The following SLC11A2 variants were observed in gnomAD, a reference collection of about 807,000 sequenced individuals.
SLC11A2 encodes natural resistance-associated macrophage protein 2.
A neutral mutation model predicts 68.0 loss-of-function variants in SLC11A2; 38 were observed. The ratio of observed to expected loss-of-function variants is 0.56; its 90% CI spans 0.43 to 0.73. The LOEUF is 0.73. Ranked by LOEUF, SLC11A2 falls within the 30% of genes least tolerant of loss-of-function variation. The pLI, the probability that SLC11A2 is intolerant of heterozygous loss-of-function variation, is 0.00. For synonymous variants in SLC11A2, 242 were observed against 250.6 expected (o/e 0.97, Z 0.32); for missense variants, 517 against 690.5 (o/e 0.75, Z 2.82).
the SLC11A2 span, among the ~76,000 whole-genome samples, chr12:50,953,226 G>C: frequency 1.3e-5 from 2 of 152,224 alleles, no homozygotes; most frequent in Non-Finnish European, 2.9e-5. Context: ...AGGAACAACA[G>C]GAGACAGACA....
At chr12:51,016,277 T>G (rs928324718) in intron 1 of SLC11A2, among the ~76,000 whole-genome samples, 11 of 152,082 alleles carry the variant, frequency 7.2e-5, no homozygotes, top group Admixed American at 1.3e-4. Context: ...CCGGACACGG[T>G]GGCTCACACC....
At chr12:51,025,794 C>T (rs942320522) in intron 1 of SLC11A2, 10 of 986,146 alleles carry the variant, frequency 1.0e-5, no homozygotes, top group Non-Finnish European at 1.2e-5. Context: ...GCCGCGTATG[C>T]AGGCTATTCA....
At chr12:51,023,224 A>G (rs1944160382) in intron 1 of SLC11A2, among the ~76,000 whole-genome samples, 1 of 152,252 alleles carries the variant, frequency 6.6e-6, no homozygotes, top group Non-Finnish European at 1.5e-5. Flanking sequence ...AGGCAGGAAG[A>G]TTGCTTGAAC....
At chr12:50,975,321 T>C (rs895937815), downstream of SLC11A2, among the ~76,000 whole-genome samples, 2 of 151,980 alleles carry the variant, frequency 1.3e-5, no homozygotes, top group African/African-American at 4.8e-5. Context: ...AAACTAGAAC[T>C]CAGGATTAAG....
the SLC11A2 span, among the ~76,000 whole-genome samples, chr12:50,965,226 ACCTCAG>A: frequency 3.8e-4 from 58 of 151,300 alleles, no homozygotes; most frequent in Non-Finnish European, 7.1e-4. Flanking sequence ...CAATCCACCC[ACCTCAG>A]CCTCTTGAGT....
At chr12:50,963,013 G>A in the SLC11A2 span, among the ~76,000 whole-genome samples, 1 of 125,548 alleles carries the variant, frequency 8.0e-6, no homozygotes, top group East Asian at 2.7e-4. Context: ...ATATAATTAT[G>A]AGGCTCTTGC....
At chr12:50,965,035 T>C in the SLC11A2 span, among the ~76,000 whole-genome samples, 1 of 152,168 alleles carries the variant, frequency 6.6e-6, no homozygotes, top group Admixed American at 6.5e-5. Context: ...TCTGGCATCT[T>C]TGAAGTCCTT....
chr12:50,986,644 T>A lies in SLC11A2; in HGVS notation c.*1681A>T, dbSNP rs755074642. On this transcript the variant is annotated 3_prime_UTR_variant, in exon 16 of 16. Transcript: ENST00000262052. ...GAGCTTAAGATGTCAGTCCCCAATA[T>A]CTTCACAGAGTGCCTTTATGACCAG... 41 of 1,286,836 alleles carry A rather than the reference T, an allele frequency of 3.2e-5. No homozygotes were observed. Among genetic ancestry groups the A allele is most frequent in the Non-Finnish European group, 4.1e-5 (41 of 988,500 alleles). 79.7% of individuals were successfully genotyped at this position (1,286,836 alleles called of 1,614,324 possible). A position where few individuals can be genotyped will look rare whatever the true frequency, so the allele number is the denominator to read the frequency against.
intron 14 of SLC11A2, 118 bp downstream of exon 14, chr12:50,991,481 A>T (rs1397154019): frequency 1.3e-6 from 1 of 783,586 alleles, no homozygotes; most frequent in Non-Finnish European, 2.2e-6. Flanking sequence ...AGCAGCTAGC[A>T]ATCACCTCTC....
chr12:51,000,743 A>ATC, intron 5 of SLC11A2: 1 of 586,856 alleles, frequency 1.7e-6, no homozygotes, highest in Non-Finnish European at 3.0e-6. Context: ...CCTAAAAACA[A>ATC]TCCTAAAAAG....
intron 8 of SLC11A2, among the ~76,000 whole-genome samples, chr12:50,998,501 G>A (rs1357217077): frequency 2.0e-5 from 3 of 152,138 alleles, no homozygotes; most frequent in African/African-American, 7.2e-5. Flanking sequence ...TGTGTAATGA[G>A]AGACTCATCC....
chr12:50,962,339 A>C, the SLC11A2 span, among the ~76,000 whole-genome samples: 17 of 151,990 alleles, frequency 1.1e-4, no homozygotes, highest in African/African-American at 3.9e-4. Context: ...TGAATCTGGG[A>C]GGTGGAGGTT....
At chr12:51,006,581 G>A (rs527633071) in intron 3 of SLC11A2, among the ~76,000 whole-genome samples, 12 of 152,138 alleles carry the variant, frequency 7.9e-5, no homozygotes, top group African/African-American at 2.4e-4. Context: ...AATTAACTAG[G>A]AGTCCGGTAC....
At chr12:51,025,755 C>G (rs1020212329) in intron 1 of SLC11A2, 2 of 985,826 alleles carry the variant, frequency 2.0e-6, no homozygotes, top group African/African-American at 1.7e-5. Context: ...CACAAACAGC[C>G]TTAAAACCAA....
chr12:50,983,925 A>G (rs145327072), downstream of SLC11A2, among the ~76,000 whole-genome samples: 761 of 151,770 alleles, frequency 5.0e-3, 7 homozygotes, highest in African/African-American at 0.017. Flanking sequence ...CTGAGATCGC[A>G]CCACTGCACT....
rs1566050932 is a variant in SLC11A2, at chr12:51,026,381, C to CTGGCTAACGCCCA, written c.-111_-110insTGGGCGTTAGCCA. The CTGGCTAACGCCCA allele has an allele frequency of 7.8e-7, 1 of 1,277,490 alleles. No individual in the cohort carries two copies. Among genetic ancestry groups the CTGGCTAACGCCCA allele is most frequent in the Non-Finnish European group, 1.0e-6 (1 of 980,760 alleles). The allele number at this position is 1,277,490 out of a possible 1,614,324, so 79.1% of individuals were successfully genotyped here. A position where few individuals can be genotyped will look rare whatever the true frequency, so the allele number is the denominator to read the frequency against. ...CTCCATATTCCGGGAGCCAGCGCCA[C>CTGGCTAACGCCCA]GCTGGCTAACGCCCTCCCCTCCCCG... On this transcript the variant is annotated 5_prime_UTR_variant, in exon 1 of 16. Coordinates refer to ENST00000262052, the MANE Select transcript of SLC11A2 (RefSeq NM_000617.3).
Position 50,986,005 on chromosome 12 carries a change from T to A in SLC11A2, c.*2320A>T, listed in dbSNP as rs1009938138. 3.6e-6 allele frequency: 4 copies of A among 1,114,662 alleles called. No homozygotes were observed. The highest frequency in any genetic ancestry group is 1.9e-5 in the South Asian group (1 of 53,868). 69.0% of individuals were successfully genotyped at this position (1,114,662 alleles called of 1,614,324 possible). ...CAGGAAACCAAATTGGAAAAAGAAATTTTTTTTTAATTAGAAACCAAGTTT... is the reference window on the plus strand; with the variant it reads ...CAGGAAACCAAATTGGAAAAAGAAAATTTTTTTTAATTAGAAACCAAGTTT... On this transcript the variant is annotated 3_prime_UTR_variant, in exon 16 of 16. Coordinates refer to ENST00000262052, the MANE Select transcript of SLC11A2 (RefSeq NM_000617.3).
intron 12 of SLC11A2, 22 bp from the exon 13 acceptor site, chr12:50,992,361 G>A (rs1223953289): frequency 1.9e-6 from 3 of 1,612,992 alleles, no homozygotes; most frequent in Admixed American, 1.7e-5. Context: ...CATAGGAGCA[G>A]ATGACTGTCT....
downstream of SLC11A2, among the ~76,000 whole-genome samples, chr12:50,976,451 G>A (rs572235649): frequency 3.5e-4 from 54 of 152,268 alleles, no homozygotes; most frequent in African/African-American, 1.3e-3. Flanking sequence ...AGCCCTTCAT[G>A]CTAAAAACTC....
Sources: allele counts gnomAD v4.1 joint callset (sites outside exome capture counted in the v4.1 genomes callset), GRCh38; gene constraint gnomAD v4.1.1; transcripts MANE v1.5; gene names NCBI Gene and HGNC (gene_info 2026-07-23, HGNC 2026-07-21).